Variants in IQCM observed in about 807,000 individuals in gnomAD.
The protein encoded by IQCM is IQ motif containing M, also known as IQ domain-containing protein M.
IQCM carries 45 observed loss-of-function variants against 57.6 expected under a neutral mutation model. The ratio of observed to expected loss-of-function variants is 0.78; its 90% CI spans 0.62 to 1.00. IQCM has a LOEUF of 1.00. IQCM is among the 50% of genes least tolerant of loss of function. The pLI, the probability that IQCM is intolerant of heterozygous loss-of-function variation, is 0.00. For missense variants in IQCM, 468 were observed against 511.6 expected (o/e 0.91, Z 0.82); for synonymous variants, 148 against 158.9 (o/e 0.93, Z 0.51).
At chr4:149,493,662 C>T (rs1185365272) in intron 12 of IQCM, among the ~76,000 whole-genome samples, 1 of 152,086 alleles carries the variant, frequency 6.6e-6, no homozygotes. Context: ...GCAATCAGTA[C>T]TTTTACCCTT....
chr4:149,599,002 G>A (rs1345032988), intron 8 of IQCM, among the ~76,000 whole-genome samples: 1 of 151,618 alleles, frequency 6.6e-6, no homozygotes, highest in African/African-American at 2.4e-5. Context: ...AGACTGGATG[G>A]CATATATATA....
chr4:149,431,753 G>A (rs1195481174), intron 13 of IQCM, among the ~76,000 whole-genome samples: 1 of 151,820 alleles, frequency 6.6e-6, no homozygotes, highest in African/African-American at 2.4e-5. Context: ...CTGGGACTCT[G>A]GCTTCTTTCA....
intron 13 of IQCM, among the ~76,000 whole-genome samples, chr4:149,372,685 G>C (rs557985295): frequency 6.6e-6 from 1 of 152,126 alleles, no homozygotes; most frequent in East Asian, 1.9e-4. Flanking sequence ...AAGTTTTCCA[G>C]TTATGGCTTT....
At chr4:149,802,351 T>C (rs1773679958) in intron 2 of IQCM, among the ~76,000 whole-genome samples, 2 of 151,902 alleles carry the variant, frequency 1.3e-5, no homozygotes, top group Non-Finnish European at 2.9e-5. Context: ...AAATATTACC[T>C]CTCGTAGTCA....
chr4:149,356,799 G>A (rs1232101012), intron 13 of IQCM, among the ~76,000 whole-genome samples: 1 of 152,176 alleles, frequency 6.6e-6, no homozygotes, highest in African/African-American at 2.4e-5. Context: ...TTGGTAGCTT[G>A]ATGGGGATGG....
At chr4:149,381,408 A>G (rs1731065568) in intron 13 of IQCM, among the ~76,000 whole-genome samples, 1 of 152,264 alleles carries the variant, frequency 6.6e-6, no homozygotes, top group African/African-American at 2.4e-5. Flanking sequence ...CAAAAATCTT[A>G]TAATGGCATC....
At chr4:149,461,279 C>T (rs996265757) in intron 12 of IQCM, among the ~76,000 whole-genome samples, 36 of 151,354 alleles carry the variant, frequency 2.4e-4, no homozygotes, top group African/African-American at 8.7e-4. Context: ...GTGTTTTACT[C>T]CAAACAGCTA....
chr4:149,617,500 G>T (rs746859111), intron 8 of IQCM, among the ~76,000 whole-genome samples: 2 of 151,884 alleles, frequency 1.3e-5, no homozygotes, highest in African/African-American at 4.8e-5. Flanking sequence ...GGTACACAAG[G>T]GTAAGATATA....
intron 5 of IQCM, among the ~76,000 whole-genome samples, chr4:149,712,406 G>T (rs1412374803): frequency 6.6e-6 from 1 of 151,880 alleles, no homozygotes; most frequent in Non-Finnish European, 1.5e-5. Context: ...ATATAACTCA[G>T]GGATCAGCAT....
intron 7 of IQCM, among the ~76,000 whole-genome samples, chr4:149,630,955 GATA>G (rs1757214212): frequency 6.6e-6 from 1 of 152,092 alleles, no homozygotes; most frequent in Non-Finnish European, 1.5e-5. Context: ...AACAATTCCT[GATA>G]TAAAACTTTC....
intron 8 of IQCM, among the ~76,000 whole-genome samples, chr4:149,594,194 A>G (rs879526568): frequency 6.6e-6 from 1 of 152,228 alleles, no homozygotes; most frequent in Non-Finnish European, 1.5e-5. Flanking sequence ...GGGAGGGTGT[A>G]TGTGTCGAGG....
At chr4:149,757,106 A>G (rs1277689922) in intron 2 of IQCM, among the ~76,000 whole-genome samples, 1 of 152,078 alleles carries the variant, frequency 6.6e-6, no homozygotes, top group African/African-American at 2.4e-5. Context: ...AAAATACAAA[A>G]AATTAGCCGG....
intron 13 of IQCM, among the ~76,000 whole-genome samples, chr4:149,421,979 C>T (rs920871902): frequency 6.6e-6 from 1 of 151,914 alleles, no homozygotes; most frequent in Non-Finnish European, 1.5e-5. Flanking sequence ...GTCTTATCAG[C>T]TCCCTACAAT....
rs1739087121 is a variant in IQCM, at chr4:149,468,256, A to G, written c.1229-34699T>C. On this transcript the variant is annotated intron_variant, in intron 12 of 13. Coordinates refer to ENST00000636793, the MANE Select transcript of IQCM (RefSeq NM_001363507.2). ...GGAAGCCATGACCAACAGTACCTGGAAAATCAGGACACGCCCACCCTAATA... is the reference window on the plus strand; with the variant it reads ...GGAAGCCATGACCAACAGTACCTGGGAAATCAGGACACGCCCACCCTAATA... Among the ~76,000 whole-genome samples the G allele has an allele frequency of 2.0e-5, 3 of 152,150 alleles. No individual in the cohort carries two copies. In the South Asian group the frequency reaches 6.2e-4, roughly 32 times the overall value.
chr4:149,632,086 A>G (rs532386511), intron 7 of IQCM, among the ~76,000 whole-genome samples: 38 of 152,366 alleles, frequency 2.5e-4, no homozygotes, highest in African/African-American at 8.9e-4. Context: ...AACCAACCTC[A>G]CCAGTTCTCT....
chr4:149,813,283 T>A (rs527601561), intron 2 of IQCM, among the ~76,000 whole-genome samples: 70 of 152,258 alleles, frequency 4.6e-4, no homozygotes, highest in Non-Finnish European at 1.9e-4. Flanking sequence ...CAAAGGTACA[T>A]CTTGAATAGG....
intron 12 of IQCM, among the ~76,000 whole-genome samples, chr4:149,543,719 A>G (rs1178009359): frequency 1.3e-5 from 2 of 148,694 alleles, no homozygotes; most frequent in African/African-American, 2.5e-5. Context: ...GTACCCTAAA[A>G]CTTAAAGTAT....
At chr4:149,807,898 A>G (rs927923390) in intron 2 of IQCM, among the ~76,000 whole-genome samples, 1 of 152,046 alleles carries the variant, frequency 6.6e-6, no homozygotes, top group African/African-American at 2.4e-5. Flanking sequence ...GAATACTATT[A>G]TTAAAAAGAC....
rs185291658 is a variant in IQCM, at chr4:149,667,482, C to A, written c.565+14636G>T. Among the ~76,000 whole-genome samples the A allele has an allele frequency of 2.2e-4, 33 of 152,198 alleles. No homozygotes were observed. The South Asian group carries it at 6.4e-3, about 30-fold the overall frequency. On this transcript the variant is annotated intron_variant, in intron 7 of 13. Coordinates refer to ENST00000636793, the MANE Select transcript of IQCM (RefSeq NM_001363507.2). ...ATCCATGAAGATGAGAAAACCAGCA[C>A]AAAAAGTCTAAAAATTCCAAAAACC...
Sources: gnomAD v4.1 joint callset for allele counts (sites outside exome capture counted in the v4.1 genomes callset) on GRCh38, gnomAD v4.1.1 for gene constraint, MANE v1.5 for transcripts, NCBI Gene and HGNC (gene_info 2026-07-23, HGNC 2026-07-21) for gene names.